STAG1: variants seen among roughly 807,000 people sequenced by gnomAD.
The protein encoded by STAG1 is cohesin subunit SA-1.
Under a neutral mutation model 170.9 loss-of-function variants are expected in STAG1, and 26 were observed. That is an observed-to-expected ratio of 0.15 (90% CI 0.11 to 0.21). The LOEUF (loss-of-function observed/expected upper bound fraction) is 0.21, where lower values mean the gene tolerates loss of function less well. Ranked by LOEUF, STAG1 falls within the 10% of genes least tolerant of loss-of-function variation. STAG1 has a pLI of 1.00. For missense variants in STAG1, 964 were observed against 1,509.5 expected (o/e 0.64, Z 5.99); for synonymous variants, 514 against 497.7 (o/e 1.03, Z -0.44).
chr3:136,452,687 G>C (rs1036131102), intron 13 of STAG1, among the ~76,000 whole-genome samples: 1 of 152,102 alleles, frequency 6.6e-6, no homozygotes, highest in African/African-American at 2.4e-5. Flanking sequence ...AAAATGTAAA[G>C]GGAAACTTTT....
At chr3:136,688,586 T>A (rs1000237868) in intron 1 of STAG1, among the ~76,000 whole-genome samples, 1 of 152,104 alleles carries the variant, frequency 6.6e-6, no homozygotes, top group East Asian at 1.9e-4. Context: ...GAGATGGGGC[T>A]TTGCCATGTT....
chr3:136,737,050 T>C, intron 1 of STAG1: 1 of 1,366,974 alleles, frequency 7.3e-7, no homozygotes, highest in Non-Finnish European at 1.0e-6. Context: ...AACTTCAGGA[T>C]CTGAAGAACC....
At chr3:136,655,313 TG>T (rs1405432126) in intron 1 of STAG1, among the ~76,000 whole-genome samples, 1 of 152,172 alleles carries the variant, frequency 6.6e-6, no homozygotes, top group Non-Finnish European at 1.5e-5. Flanking sequence ...GATTCACAAA[TG>T]GGCAAAGAGA....
intron 21 of STAG1, among the ~76,000 whole-genome samples, chr3:136,406,663 G>A (rs1176769568): frequency 1.3e-5 from 2 of 152,084 alleles, no homozygotes; most frequent in African/African-American, 2.4e-5. Context: ...AGTAGCAAAC[G>A]ATTGAGTAAA....
chr3:136,619,743 C>G (rs566936889), intron 3 of STAG1, among the ~76,000 whole-genome samples: 1 of 114,106 alleles, frequency 8.8e-6, no homozygotes, highest in Non-Finnish European at 1.6e-5. Flanking sequence ...CGCAACAGCG[C>G]GAGACTCTGT....
chr3:136,537,181 T>C (rs1242263799), intron 6 of STAG1, among the ~76,000 whole-genome samples: 1 of 152,206 alleles, frequency 6.6e-6, no homozygotes, highest in Admixed American at 6.5e-5. Flanking sequence ...TCCACAGTGA[T>C]GTATGCAACA....
intron 1 of STAG1, among the ~76,000 whole-genome samples, chr3:136,665,155 G>C (rs1480492744): frequency 6.6e-6 from 1 of 152,184 alleles, no homozygotes; most frequent in Non-Finnish European, 1.5e-5. Flanking sequence ...CATCAATAAA[G>C]AGCATCACCC....
At chr3:136,557,845 T>TGTG (rs1936689291) in intron 5 of STAG1, among the ~76,000 whole-genome samples, 3 of 152,214 alleles carry the variant, frequency 2.0e-5, no homozygotes, top group Non-Finnish European at 4.4e-5. Context: ...GGTCAATAAT[T>TGTG]TCTTAAATAT....
intron 4 of STAG1, among the ~76,000 whole-genome samples, chr3:136,589,378 G>GACACA (rs1938027785): frequency 6.6e-5 from 10 of 151,992 alleles, no homozygotes; most frequent in Admixed American, 5.9e-4. Context: ...GGTGGCGTGT[G>GACACA]CCTGTAATCC....
chr3:136,378,209 C>A (rs763072783), intron 22 of STAG1, among the ~76,000 whole-genome samples: 24 of 152,136 alleles, frequency 1.6e-4, no homozygotes, highest in African/African-American at 5.3e-4. Context: ...GCCATGCCCT[C>A]AAATAGTTAA....
chr3:136,531,473 C>T (rs1357620702), intron 6 of STAG1, among the ~76,000 whole-genome samples: 13 of 149,066 alleles, frequency 8.7e-5, no homozygotes, highest in South Asian at 4.3e-4. Context: ...CTGTTTATTG[C>T]GGCATTATTC....
intron 16 of STAG1, among the ~76,000 whole-genome samples, chr3:136,427,757 A>T (rs929832143): frequency 6.6e-6 from 1 of 152,104 alleles, no homozygotes; most frequent in Admixed American, 6.6e-5. Context: ...TTCACATTAG[A>T]AGTACAGCTT....
chr3:136,349,441 C>T (rs1281627305), intron 28 of STAG1, 78 bp from the exon 29 acceptor site: 24 of 1,081,788 alleles, frequency 2.2e-5, no homozygotes, highest in Non-Finnish European at 2.9e-5. Flanking sequence ...ATCTGAGGCT[C>T]TCTTTCTGCA....
intron 15 of STAG1, among the ~76,000 whole-genome samples, chr3:136,434,200 A>C (rs1672108128): frequency 6.6e-6 from 1 of 152,154 alleles, no homozygotes; most frequent in Non-Finnish European, 1.5e-5. Flanking sequence ...TAACTGATAC[A>C]TTTATTTCTG....
intron 4 of STAG1, among the ~76,000 whole-genome samples, chr3:136,574,229 G>A (rs1334349682): frequency 2.0e-5 from 3 of 151,450 alleles, no homozygotes; most frequent in Non-Finnish European, 4.4e-5. Flanking sequence ...TGACATGAGC[G>A]AAACTCTGTC....
chr3:136,540,822 C>CCAAAAAAAAAAA (rs1935853688), intron 6 of STAG1, among the ~76,000 whole-genome samples: 1 of 46,276 alleles, frequency 2.2e-5, no homozygotes, highest in Non-Finnish European at 4.4e-5. Context: ...ACTGTGTCTC[C>CCAAAAAAAAAAA]AAAAAAAAAA....
At position 136,570,957 on chromosome 3, in the gene STAG1, G is replaced by A. The variant is rs988791839; in HGVS notation, c.298-2096C>T. ...AAGAAAAGAATACCATGGTATCTGG[G>A]CAAGGTTCACCTCTGCTGAATAATG... On this transcript the variant is annotated intron_variant, in intron 4 of 33. Coordinates refer to ENST00000383202, the MANE Select transcript of STAG1 (RefSeq NM_005862.3). Among the ~76,000 whole-genome samples the A allele has an allele frequency of 5.3e-5, 8 of 152,164 alleles. 1 individual carries two copies. Among genetic ancestry groups the A allele is most frequent in the African/African-American group, 1.9e-4 (8 of 41,446 alleles).
At chr3:136,495,370 A>T (rs1933022795) in intron 9 of STAG1, among the ~76,000 whole-genome samples, 1 of 152,224 alleles carries the variant, frequency 6.6e-6, no homozygotes, top group African/African-American at 2.4e-5. Context: ...ACACAGAAGA[A>T]ATCTTAGGGG....
At chr3:136,668,458 T>C (rs1210228278) in intron 1 of STAG1, among the ~76,000 whole-genome samples, 2 of 147,628 alleles carry the variant, frequency 1.4e-5, no homozygotes, top group East Asian at 3.9e-4. Context: ...TTTATATATC[T>C]ATAAAAAAAT....
Sources: gnomAD v4.1 joint callset for allele counts (sites outside exome capture counted in the v4.1 genomes callset) on GRCh38, gnomAD v4.1.1 for gene constraint, MANE v1.5 for transcripts, NCBI Gene and HGNC (gene_info 2026-07-23, HGNC 2026-07-21) for gene names.